The following GRIK2 variants were observed in gnomAD, a reference collection of about 807,000 sequenced individuals.
The protein encoded by GRIK2 is glutamate ionotropic receptor kainate type subunit 2.
In GRIK2, 32 loss-of-function variants were observed where a neutral mutation model predicts 100.3. The observed-to-expected ratio is 0.32, with a 90% CI of 0.24 to 0.43. GRIK2 has a LOEUF of 0.43. Among genes scored for constraint, GRIK2 ranks in the 20% least tolerant of loss-of-function variants. GRIK2 has a pLI of 1.00. For missense variants in GRIK2, 843 were observed against 1,114.9 expected, an observed-to-expected ratio of 0.76 and a Z score of 3.47; for synonymous variants, 417 against 389.4, an observed-to-expected ratio of 1.07 and a Z score of -0.83.
chr6:101,696,476 T>C (rs1772495153), intron 7 of GRIK2, among the ~76,000 whole-genome samples: 1 of 151,842 alleles, frequency 6.6e-6, no homozygotes, highest in Non-Finnish European at 1.5e-5. Context: ...GAAATAAGAG[T>C]ATATGCATAT....
In GRIK2 at chr6:101,589,813, A is replaced by C. The variant is rs563016707; in HGVS notation, c.116-32136A>C. On this transcript the variant is annotated intron_variant, in intron 2 of 16. Transcript: ENST00000369134. ...GAGATGTCCAGCAGCTGATAGATTAAATATATCTGGAGCCATGGAGAGAAG... is the reference window on the plus strand; with the variant it reads ...GAGATGTCCAGCAGCTGATAGATTACATATATCTGGAGCCATGGAGAGAAG... Among the ~76,000 whole-genome samples, 451 of 152,202 alleles carry C rather than the reference A, an allele frequency of 3.0e-3. 1 individual carries two copies. The highest frequency in any genetic ancestry group is 6.8e-3 in the Middle Eastern group (2 of 294).
intron 12 of GRIK2, among the ~76,000 whole-genome samples, chr6:101,892,909 T>C (rs562844254): frequency 9.9e-4 from 150 of 151,294 alleles, no homozygotes; most frequent in Non-Finnish European, 1.7e-3. Context: ...AGTCTGAATA[T>C]GGTCAATTTA....
At chr6:101,641,059 A>T (rs962936401) in intron 4 of GRIK2, among the ~76,000 whole-genome samples, 3 of 152,144 alleles carry the variant, frequency 2.0e-5, no homozygotes, top group Non-Finnish European at 4.4e-5. Flanking sequence ...TGTCCTTAAG[A>T]GTATTCAAAA....
intron 4 of GRIK2, among the ~76,000 whole-genome samples, chr6:101,655,587 A>G (rs1387077462): frequency 6.6e-6 from 1 of 152,216 alleles, no homozygotes; most frequent in Non-Finnish European, 1.5e-5. Context: ...AAATATTATC[A>G]AATATCATTC....
chr6:101,764,576 A>T (rs1391524382), intron 7 of GRIK2, among the ~76,000 whole-genome samples: 1 of 152,108 alleles, frequency 6.6e-6, no homozygotes, highest in Non-Finnish European at 1.5e-5. Flanking sequence ...AGTGAATATT[A>T]TGACCATCTT....
intron 10 of GRIK2, among the ~76,000 whole-genome samples, chr6:101,821,179 A>G (rs1024979979): frequency 6.6e-6 from 1 of 152,178 alleles, no homozygotes; most frequent in African/African-American, 2.4e-5. Context: ...CAAATAAAGC[A>G]GGTGATTAAG....
chr6:101,653,869 C>T (rs1242557487), intron 4 of GRIK2, among the ~76,000 whole-genome samples: 2 of 152,110 alleles, frequency 1.3e-5, no homozygotes, highest in South Asian at 2.1e-4. Context: ...GAACCACCTG[C>T]CTCGGCCTTT....
chr6:101,794,874 T>G (rs1374749390), intron 7 of GRIK2, among the ~76,000 whole-genome samples: 1 of 151,598 alleles, frequency 6.6e-6, no homozygotes, highest in African/African-American at 2.4e-5. Context: ...CAATTTTTTT[T>G]TTTTTTTTTG....
chr6:101,462,684 A>G (rs1288573380), intron 2 of GRIK2, among the ~76,000 whole-genome samples: 1 of 152,228 alleles, frequency 6.6e-6, no homozygotes, highest in Non-Finnish European at 1.5e-5. Context: ...TAGAGAATGT[A>G]GCCCAAGTAA....
intron 15 of GRIK2, among the ~76,000 whole-genome samples, chr6:102,048,205 A>G (rs1028700304): frequency 2.6e-5 from 4 of 151,688 alleles, no homozygotes; most frequent in African/African-American, 4.8e-5. Flanking sequence ...TACAAAAATC[A>G]ACTCAAAATG....
chr6:101,895,774 T>C (rs189057371), intron 12 of GRIK2, among the ~76,000 whole-genome samples: 1 of 151,896 alleles, frequency 6.6e-6, no homozygotes, highest in East Asian at 1.9e-4. Context: ...TTATTTTTAA[T>C]GTCCTATTTT....
chr6:101,830,322 C>T (rs1236908348), intron 10 of GRIK2, among the ~76,000 whole-genome samples: 1 of 151,864 alleles, frequency 6.6e-6, no homozygotes, highest in Non-Finnish European at 1.5e-5. Context: ...CTGTAAAAAT[C>T]CTGGAAGAAA....
chr6:101,589,314 C>T (rs77586126), intron 2 of GRIK2, among the ~76,000 whole-genome samples: 1,671 of 152,086 alleles, frequency 0.011, 26 homozygotes, highest in African/African-American at 0.037. Flanking sequence ...GTGGCAACAC[C>T]GTCTACCCTC....
chr6:101,929,483 A>T (rs373529087), intron 14 of GRIK2, among the ~76,000 whole-genome samples: 9,569 of 146,136 alleles, frequency 0.065, 430 homozygotes, highest in Middle Eastern at 0.19. Flanking sequence ...ATTTTTTTTT[A>T]AAAAAATGAT....
At chr6:101,469,086 TGAG>T (rs1771809331) in intron 2 of GRIK2, among the ~76,000 whole-genome samples, 1 of 152,112 alleles carries the variant, frequency 6.6e-6, no homozygotes, top group Non-Finnish European at 1.5e-5. Flanking sequence ...TCAGCCTGAA[TGAG>T]GAGTTCACTA....
rs1335234564 is a variant in GRIK2 at position 101,728,120 on chromosome 6, A to G, written c.951+41767A>G. Among the ~76,000 whole-genome samples, 3 of 152,038 alleles carry G rather than the reference A, an allele frequency of 2.0e-5. No homozygotes were observed. In the East Asian group the frequency reaches 5.8e-4, roughly 29 times the overall value. On this transcript the variant is annotated intron_variant, in intron 7 of 16. Coordinates refer to ENST00000369134, the MANE Select transcript of GRIK2 (RefSeq NM_021956.5). The stretch of plus-strand genomic sequence containing the variant: ...AAATATCTAATTTGAAAGCAAAATG[A>G]AGATATTTGAAATAATTTGGTTAAC...
intron 7 of GRIK2, among the ~76,000 whole-genome samples, chr6:101,759,569 G>C (rs956286534): frequency 2.6e-5 from 4 of 152,130 alleles, no homozygotes; most frequent in African/African-American, 9.7e-5. Context: ...AGAGGTTACT[G>C]TTTACCAGGG....
intron 6 of GRIK2, among the ~76,000 whole-genome samples, chr6:101,682,894 A>G (rs1771385051): frequency 6.6e-6 from 1 of 152,132 alleles, no homozygotes; most frequent in Non-Finnish European, 1.5e-5. Flanking sequence ...TTTCCTGAGA[A>G]ATCAGTGCTT....
chr6:101,883,289 A>AAATAATAATAATAAT (rs143808702), intron 11 of GRIK2, among the ~76,000 whole-genome samples: 202 of 144,300 alleles, frequency 1.4e-3, no homozygotes, highest in African/African-American at 3.8e-3. Context: ...TCTCTTTGGC[A>AAATAATAATAATAAT]AATAATAATA....
Sources: allele counts gnomAD v4.1 joint callset (sites outside exome capture counted in the v4.1 genomes callset), GRCh38; gene constraint gnomAD v4.1.1; transcripts MANE v1.5; gene names NCBI Gene and HGNC (gene_info 2026-07-23, HGNC 2026-07-21).